The following NRSN1 variants were observed in gnomAD, a reference collection of about 807,000 sequenced individuals.
The protein encoded by NRSN1 is neurensin 1.
Under a neutral mutation model 17.3 loss-of-function variants are expected in NRSN1, and 14 were observed. The observed-to-expected ratio is 0.81, with a 90% CI of 0.54 to 1.27. The LOEUF (loss-of-function observed/expected upper bound fraction) is 1.27. Ranked by LOEUF, NRSN1 falls within the 50% of genes most tolerant of loss-of-function variation. The probability of loss-of-function intolerance (pLI) is 0.00; values close to 1 mark genes in which losing one functional copy is unlikely to be tolerated. For synonymous variants in NRSN1, 79 were observed against 94.2 expected (o/e 0.84, Z 0.93); for missense variants, 209 against 235.9 (o/e 0.89, Z 0.75).
chr6:24,126,606 G>A (rs887999105), intron 1 of NRSN1, among the ~76,000 whole-genome samples: 1 of 152,148 alleles, frequency 6.6e-6, no homozygotes, highest in Non-Finnish European at 1.5e-5. Context: ...TGTTATGTAA[G>A]AATTTGGGGG....
intron 3 of NRSN1, among the ~76,000 whole-genome samples, chr6:24,142,790 G>A (rs1760232324): frequency 6.6e-6 from 1 of 152,314 alleles, no homozygotes; most frequent in South Asian, 2.1e-4. Flanking sequence ...CGGACCCAGA[G>A]TCAGCAGCAG....
Position 24,127,346 on chromosome 6 carries a change from T to A in NRSN1, c.-82-782T>A, listed in dbSNP as rs149406370. On this transcript the variant is annotated intron_variant, in intron 1 of 3. Coordinates refer to ENST00000378491, the MANE Select transcript of NRSN1 (RefSeq NM_080723.5). ...GACCCTAGAAATGCTGAAAACAGTT[T>A]ATCAGGCCTCAGCTAGGCTTACTCA... Among the ~76,000 whole-genome samples the A allele has an allele frequency of 7.9e-5, 12 of 152,312 alleles. No individual in the cohort carries two copies. The East Asian group carries it at 2.3e-3, about 29-fold the overall frequency.
intron 3 of NRSN1, among the ~76,000 whole-genome samples, chr6:24,136,392 C>T (rs1383920300): frequency 6.6e-6 from 1 of 152,224 alleles, no homozygotes; most frequent in Non-Finnish European, 1.5e-5. Context: ...TTGTCACATA[C>T]TCTGCATCAG....
At chr6:24,141,460 T>A (rs1760202884) in intron 3 of NRSN1, 1 of 193,914 alleles carries the variant, frequency 5.2e-6, no homozygotes, top group South Asian at 1.9e-4. Context: ...AATTCCCCAA[T>A]GGGTGCATCT....
chr6:24,128,355 A>G (rs1759981667), intron 2 of NRSN1, among the ~76,000 whole-genome samples, 155 bp downstream of exon 2: 1 of 152,228 alleles, frequency 6.6e-6, no homozygotes, highest in South Asian at 2.1e-4. Context: ...ATTAAAGTAA[A>G]TGATAACAAG....
chr6:24,132,232 T>G (rs946841050), intron 2 of NRSN1, among the ~76,000 whole-genome samples: 1 of 152,244 alleles, frequency 6.6e-6, no homozygotes, highest in African/African-American at 2.4e-5. Context: ...GGGTTTACTT[T>G]GTGCCCACTG....
In NRSN1 at chr6:24,145,476, C is replaced by T. The variant is rs1466556445; in HGVS notation, c.190-72C>T. On this transcript the variant is annotated intron_variant, in intron 3 of 3. Coordinates refer to ENST00000378491, the MANE Select transcript of NRSN1 (RefSeq NM_080723.5). The surrounding 1 kb of genome is among the most constrained non-coding windows in gnomAD (Gnocchi z 4.4). ...CTCTCAAGAAACAAGACAAGTGCTG[C>T]CCTTGAGGGCTCAGGGGCGAGCCGA... 1.9e-5 allele frequency: 22 copies of T among 1,163,506 alleles called. No homozygotes were observed. The highest frequency in any genetic ancestry group is 2.7e-5 in the Admixed American group (1 of 37,208). The allele number at this position is 1,163,506 out of a possible 1,614,324, so 72.1% of individuals were successfully genotyped here. A position where few individuals can be genotyped will look rare whatever the true frequency, so the allele number is the denominator to read the frequency against.
chr6:24,130,132 TAAC>T (rs1229030481), intron 2 of NRSN1, among the ~76,000 whole-genome samples: 2 of 152,244 alleles, frequency 1.3e-5, no homozygotes, highest in Non-Finnish European at 2.9e-5. Flanking sequence ...ATATGTTCAT[TAAC>T]AACAATCATA....
rs1002063541 is a variant in NRSN1 at position 24,146,260 on chromosome 6, G to A, written c.*314G>A. 5.1e-5 allele frequency: 30 copies of A among 585,836 alleles called. No homozygotes were observed. The highest frequency in any genetic ancestry group is 1.1e-4 in the African/African-American group (6 of 54,412). The allele number at this position is 585,836 out of a possible 1,614,324, so 36.3% of individuals were successfully genotyped here. A position where few individuals can be genotyped will look rare whatever the true frequency, so the allele number is the denominator to read the frequency against. On this transcript the variant is annotated 3_prime_UTR_variant, in exon 4 of 4. Coordinates refer to ENST00000378491, the MANE Select transcript of NRSN1 (RefSeq NM_080723.5). The stretch of plus-strand genomic sequence containing the variant: ...ATTTTCCGTGTTGTTTGAAAGTGCC[G>A]AACAGTTTAGACCAGCTCACCAATG...
intron 2 of NRSN1, among the ~76,000 whole-genome samples, chr6:24,132,001 C>T (rs1760040734): frequency 6.6e-6 from 1 of 151,774 alleles, no homozygotes. Flanking sequence ...CACTCTTTCC[C>T]TGGGTGATTT....
At position 24,147,399 on chromosome 6, in the gene NRSN1, A is replaced by G. The variant is rs1293248705; in HGVS notation, c.*1453A>G. The G allele has an allele frequency of 1.3e-5, 2 of 151,002 alleles. No homozygotes were observed. The highest frequency in any genetic ancestry group is 4.0e-4 in the East Asian group (2 of 4,986). 9.4% of individuals were successfully genotyped at this position (151,002 alleles called of 1,614,324 possible). A position where few individuals can be genotyped will look rare whatever the true frequency, so the allele number is the denominator to read the frequency against. ...ACTGGATAAATAAAATATGTGAACA[A>G]GTGGAACCTGAATTGCATTGTCATT... On this transcript the variant is annotated 3_prime_UTR_variant, in exon 4 of 4. Coordinates refer to ENST00000378491, the MANE Select transcript of NRSN1 (RefSeq NM_080723.5).
At chr6:24,135,587 G>T (rs1760106464) in intron 3 of NRSN1, among the ~76,000 whole-genome samples, 1 of 152,212 alleles carries the variant, frequency 6.6e-6, no homozygotes, top group Non-Finnish European at 1.5e-5. Flanking sequence ...AATTTAGAGG[G>T]TGTTAAAGTA....
chr6:24,143,077 G>C (rs1286745082), intron 3 of NRSN1, among the ~76,000 whole-genome samples: 4 of 152,196 alleles, frequency 2.6e-5, no homozygotes, highest in Admixed American at 2.6e-4. Context: ...GCTAGCCACA[G>C]AGTGCTGATT....
intron 2 of NRSN1, among the ~76,000 whole-genome samples, chr6:24,132,052 G>A (rs976896973): frequency 6.6e-6 from 1 of 152,126 alleles, no homozygotes; most frequent in African/African-American, 2.4e-5. Context: ...AAAAGCACAG[G>A]AGCTAACAGT....
chr6:24,140,594 C>G (rs1406315659), intron 3 of NRSN1, among the ~76,000 whole-genome samples: 1 of 152,186 alleles, frequency 6.6e-6, no homozygotes, highest in East Asian at 1.9e-4. Context: ...GCTCTTGATG[C>G]GCTTCCCCTA....
intron 3 of NRSN1, among the ~76,000 whole-genome samples, chr6:24,137,218 A>C (rs981245313): frequency 6.6e-6 from 1 of 152,200 alleles, no homozygotes; most frequent in Non-Finnish European, 1.5e-5. Flanking sequence ...AGTGGGCAGC[A>C]TGGCAAGACT....
At chr6:24,134,029 T>TGTGTGTGTGC (rs1554140175) in intron 2 of NRSN1, among the ~76,000 whole-genome samples, 6 of 151,498 alleles carry the variant, frequency 4.0e-5, no homozygotes, top group Non-Finnish European at 7.4e-5. Context: ...TGTGTGTGTG[T>TGTGTGTGTGC]GTGTGTGTGT....
At chr6:24,144,889 G>C (rs564104121) in intron 3 of NRSN1, among the ~76,000 whole-genome samples, 1 of 151,298 alleles carries the variant, frequency 6.6e-6, no homozygotes, top group Non-Finnish European at 1.5e-5. Flanking sequence ...CCAGCTCCTG[G>C]ATATCAGGGC....
At chr6:24,144,882 G>A (rs1760275627) in intron 3 of NRSN1, among the ~76,000 whole-genome samples, 1 of 151,560 alleles carries the variant, frequency 6.6e-6, no homozygotes, top group South Asian at 2.1e-4. Flanking sequence ...AGTAAGGCCA[G>A]CTCCTGGATA....
Sources: allele counts gnomAD v4.1 joint callset (sites outside exome capture counted in the v4.1 genomes callset), GRCh38; gene constraint gnomAD v4.1.1; non-coding constraint Gnocchi (gnomAD v3.1); transcripts MANE v1.5; gene names NCBI Gene and HGNC (gene_info 2026-07-23, HGNC 2026-07-21).